The following CCDC81 variants were observed in gnomAD, a reference collection of about 807,000 sequenced individuals.
The protein encoded by CCDC81 is coiled-coil domain-containing protein 81.
In CCDC81, 79 loss-of-function variants were observed where a neutral mutation model predicts 83.7. The observed-to-expected ratio is 0.94, with a 90% CI of 0.79 to 1.14. The LOEUF is 1.14. Ranked by LOEUF, CCDC81 falls within the 50% of genes most tolerant of loss-of-function variation. CCDC81 has a pLI of 0.00. For synonymous variants in CCDC81, 252 were observed against 278.1 expected (o/e 0.91, Z 0.93); for missense variants, 791 against 778.1 (o/e 1.02, Z -0.20).
intron 6 of CCDC81, among the ~76,000 whole-genome samples, chr11:86,400,427 C>T (rs1304186412): frequency 1.3e-5 from 2 of 152,182 alleles, no homozygotes; most frequent in African/African-American, 4.8e-5. Flanking sequence ...AACACGTCTC[C>T]TGGTCATGTT....
intron 13 of CCDC81, among the ~76,000 whole-genome samples, chr11:86,418,858 T>C (rs1426049129): frequency 6.6e-6 from 1 of 152,122 alleles, no homozygotes; most frequent in Non-Finnish European, 1.5e-5. Context: ...GTAAATTTTG[T>C]TATGTGTTTT....
chr11:86,406,721 C>G (rs1948571304), intron 7 of CCDC81, among the ~76,000 whole-genome samples: 1 of 152,132 alleles, frequency 6.6e-6, no homozygotes, highest in Admixed American at 6.5e-5. Flanking sequence ...AGGAGAATCA[C>G]TTGAACTTGG....
chr11:86,406,399 TGTTA>T (rs1948567057), intron 7 of CCDC81, among the ~76,000 whole-genome samples: 1 of 152,242 alleles, frequency 6.6e-6, no homozygotes, highest in African/African-American at 2.4e-5. Context: ...AATTCTTATC[TGTTA>T]TTTTCTAGAA....
At chr11:86,419,725 A>G in intron 13 of CCDC81, 1 of 418,270 alleles carries the variant, frequency 2.4e-6, no homozygotes, top group Non-Finnish European at 4.1e-6. Flanking sequence ...ACCAGGATTG[A>G]AGATAAAAGA....
chr11:86,421,102 G>A (rs181420579), intron 14 of CCDC81, among the ~76,000 whole-genome samples: 1 of 152,140 alleles, frequency 6.6e-6, no homozygotes, highest in African/African-American at 2.4e-5. Flanking sequence ...CTTCTCTGAG[G>A]ACCTAGGCCA....
rs554871525 is a variant in CCDC81 at position 86,407,314 on chromosome 11, A to T, written c.882-300A>T. 3.3e-5 allele frequency among the ~76,000 whole-genome samples: 5 copies of T among 152,272 alleles called. No individual in the cohort carries two copies. In the East Asian group the frequency reaches 9.7e-4, roughly 29 times the overall value. ...AGTGTACATGGTAAGCACTCAATAC[A>T]TTTCTGTGGAATGAATACATTTCAT... On this transcript the variant is annotated intron_variant, in intron 7 of 14. Transcript: ENST00000445632.
Position 86,392,087 on chromosome 11 carries a change from T to A in CCDC81, c.299-454T>A, listed in dbSNP as rs771478415. Among the ~76,000 whole-genome samples the A allele has an allele frequency of 2.0e-5, 3 of 152,148 alleles. 1 individual carries two copies. Among genetic ancestry groups the A allele is most frequent in the Admixed American group, 6.5e-5 (1 of 15,286 alleles). On this transcript the variant is annotated intron_variant, in intron 3 of 14. Coordinates refer to ENST00000445632, the MANE Select transcript of CCDC81 (RefSeq NM_001156474.2). ...CCCCCATGATCCAATCACCTCCCAATAGGCCCCACCTCCAACACTGGGGAA... is the reference window on the plus strand; with the variant it reads ...CCCCCATGATCCAATCACCTCCCAAAAGGCCCCACCTCCAACACTGGGGAA...
chr11:86,397,663 C>G lies in CCDC81; in HGVS notation c.678C>G (p.Thr226=). The G allele has an allele frequency of 1.2e-6, 2 of 1,613,536 alleles. No individual in the cohort carries two copies. The highest frequency in any genetic ancestry group is 1.7e-6 in the Non-Finnish European group (2 of 1,179,786). Residue 226 remains threonine (T), a synonymous_variant, in exon 6 of 15, where the codon ACC becomes ACG. Coordinates refer to ENST00000445632, the MANE Select transcript of CCDC81 (RefSeq NM_001156474.2). ...TGGAAAACAAACTGCCTATGGAGAC[C>G]CTTGTAGAAGAATGTGGAGAGAATA... is the stretch of plus-strand genomic sequence containing the variant. ...KEMENKLPME[T]LVEECGENRE...
chr11:86,389,026 C>CA (rs1451762237), intron 3 of CCDC81, among the ~76,000 whole-genome samples: 1 of 152,074 alleles, frequency 6.6e-6, no homozygotes, highest in African/African-American at 2.4e-5. Flanking sequence ...AATGGTGGCA[C>CA]ATGCTTGCAA....
intron 1 of CCDC81, among the ~76,000 whole-genome samples, chr11:86,383,983 A>G (rs1948207332): frequency 1.3e-5 from 2 of 152,226 alleles, no homozygotes; most frequent in Admixed American, 1.3e-4. Context: ...GAAAGACAGA[A>G]TCCTCAAATT....
At chr11:86,395,913 A>G (rs1361016092) in intron 5 of CCDC81, among the ~76,000 whole-genome samples, 3 of 152,142 alleles carry the variant, frequency 2.0e-5, no homozygotes, top group African/African-American at 7.2e-5. Flanking sequence ...GTGAGCCACC[A>G]GGCCTGGCCC....
rs1325222264 is a variant in CCDC81, at chr11:86,374,908, C to G, written c.-256C>G. The G allele has an allele frequency of 1.5e-5, 7 of 457,762 alleles. No individual in the cohort carries two copies. The highest frequency in any genetic ancestry group is 6.4e-4 in the Middle Eastern group (1 of 1,552). 28.4% of individuals were successfully genotyped at this position (457,762 alleles called of 1,614,324 possible). A position where few individuals can be genotyped will look rare whatever the true frequency, so the allele number is the denominator to read the frequency against. On this transcript the variant is annotated 5_prime_UTR_variant, in exon 1 of 15. Transcript: ENST00000445632. The stretch of plus-strand genomic sequence containing the variant: ...TCTCACTCGGTGCCGGACATCAGTT[C>G]CTGCGGCTCTTGCTGTGGGAGCTGC...
intron 7 of CCDC81, among the ~76,000 whole-genome samples, chr11:86,404,631 G>C (rs534060314): frequency 6.6e-6 from 1 of 152,282 alleles, no homozygotes; most frequent in Non-Finnish European, 1.5e-5. Context: ...AGCTCTCAAG[G>C]ATTGTGGATC....
intron 1 of CCDC81, among the ~76,000 whole-genome samples, chr11:86,380,247 T>G (rs1328847464): frequency 1.3e-5 from 2 of 152,186 alleles, no homozygotes; most frequent in African/African-American, 2.4e-5. Context: ...GTTTTCTTTT[T>G]CTCAACACTT....
At chr11:86,403,013 ATTTTTT>A (rs545083032) in intron 7 of CCDC81, among the ~76,000 whole-genome samples, 35 of 112,484 alleles carry the variant, frequency 3.1e-4, no homozygotes, top group South Asian at 1.5e-3. Context: ...TAATTTTTTG[ATTTTTT>A]TTTTTTTTTT....
Position 86,408,207 on chromosome 11 carries a change from AG to A in CCDC81, c.1051del (p.Asp351MetfsTer11), listed in dbSNP as rs1948589404. On this transcript the variant is annotated frameshift_variant, in exon 9 of 15. Transcript: ENST00000445632. LOFTEE classifies it high-confidence loss of function. ...YSEERRREIE[D>X]ERLIQQYQML... Reference sequence around the variant, plus strand: ...GTGAGGAAAGGAGGAGAGAGATAGAAGATGAGAGACTCATACAGCAGTATCA... The same window carrying A: ...GTGAGGAAAGGAGGAGAGAGATAGAAATGAGAGACTCATACAGCAGTATCA... 6.2e-7 allele frequency: 1 copy of A among 1,614,022 alleles called. No homozygotes were observed.
At chr11:86,379,716 C>A (rs1948150653) in intron 1 of CCDC81, among the ~76,000 whole-genome samples, 1 of 152,206 alleles carries the variant, frequency 6.6e-6, no homozygotes, top group Admixed American at 6.5e-5. Context: ...GTGGCTCATG[C>A]TTGTAATCCC....
chr11:86,394,042 A>G (rs1948370103), intron 4 of CCDC81, among the ~76,000 whole-genome samples: 1 of 152,192 alleles, frequency 6.6e-6, no homozygotes, highest in Admixed American at 6.5e-5. Flanking sequence ...TTCATACAGG[A>G]TTGCTAAGAG....
At chr11:86,390,613 G>T (rs991891578) in intron 3 of CCDC81, among the ~76,000 whole-genome samples, 6 of 152,150 alleles carry the variant, frequency 3.9e-5, no homozygotes, top group African/African-American at 1.4e-4. Context: ...ATCAGGAGGG[G>T]AAATGAGGGT....
Sources: gnomAD v4.1 joint callset for allele counts (sites outside exome capture counted in the v4.1 genomes callset) on GRCh38, gnomAD v4.1.1 for gene constraint, MANE v1.5 for transcripts, NCBI Gene and HGNC (gene_info 2026-07-23, HGNC 2026-07-21) for gene names.